Variants in SCEL observed in about 807,000 individuals in gnomAD.
SCEL encodes the protein sciellin.
A neutral mutation model predicts 117.6 loss-of-function variants in SCEL; 113 were observed. The observed-to-expected ratio is 0.96, with a 90% CI of 0.83 to 1.12. The LOEUF (loss-of-function observed/expected upper bound fraction) is 1.12. Ranked by LOEUF, SCEL falls within the 50% of genes most tolerant of loss-of-function variation. SCEL has a pLI of 0.00. For synonymous variants in SCEL, 270 were observed against 256.2 expected, an observed-to-expected ratio of 1.05 and a Z score of -0.51; for missense variants, 785 against 810.8, an observed-to-expected ratio of 0.97 and a Z score of 0.39.
intron 30 of SCEL, among the ~76,000 whole-genome samples, chr13:77,637,411 TAA>T (rs1192094788): frequency 1.2e-3 from 44 of 36,120 alleles, no homozygotes; most frequent in South Asian, 0.01. Context: ...CATATATAAA[TAA>T]ATATATATAT....
intron 28 of SCEL, among the ~76,000 whole-genome samples, chr13:77,634,107 T>A (rs1377387982): frequency 1.3e-5 from 2 of 152,204 alleles, no homozygotes; most frequent in Non-Finnish European, 1.5e-5. Context: ...TATTCAAAAA[T>A]AATCCTCATA....
intron 3 of SCEL, 145 bp downstream of exon 3, chr13:77,556,858 G>A: frequency 1.6e-6 from 1 of 637,120 alleles, no homozygotes; most frequent in Non-Finnish European, 2.8e-6. Context: ...GACTTAGTAA[G>A]CACAAATAGG....
chr13:77,537,760 A>G (rs2083482976), intron 1 of SCEL, among the ~76,000 whole-genome samples: 1 of 152,182 alleles, frequency 6.6e-6, no homozygotes, highest in African/African-American at 2.4e-5. Context: ...ATTCCTGGGG[A>G]CTATGTAAAC....
intron 9 of SCEL, among the ~76,000 whole-genome samples, chr13:77,586,051 C>T (rs1039720073): frequency 1.3e-5 from 2 of 152,158 alleles, no homozygotes; most frequent in African/African-American, 4.8e-5. Flanking sequence ...AAGCCATGCC[C>T]TTGTGAGCTT....
chr13:77,553,033 A>AAGAAC (rs2084432871), intron 1 of SCEL, among the ~76,000 whole-genome samples: 2 of 152,220 alleles, frequency 1.3e-5, no homozygotes, highest in South Asian at 4.1e-4. Context: ...ATGTGGTGTC[A>AAGAAC]AGAACAGAAC....
rs537463674 is a variant in SCEL at position 77,578,332 on chromosome 13, G to A, written c.545+6143G>A. 1.4e-3 allele frequency among the ~76,000 whole-genome samples: 213 copies of A among 152,172 alleles called. 1 individual carries two copies. The highest frequency in any genetic ancestry group is 4.8e-3 in the African/African-American group (201 of 41,528). ...CTGCAAAGAGACCACCACCAAGAAA[G>A]GGAGGAGGGGGAAGGAACTCCTGGG... On this transcript the variant is annotated intron_variant, in intron 9 of 32. Transcript: ENST00000349847.
chr13:77,583,230 A>G (rs2086366172), intron 9 of SCEL, among the ~76,000 whole-genome samples: 1 of 152,182 alleles, frequency 6.6e-6, no homozygotes, highest in Non-Finnish European at 1.5e-5. Context: ...CTCCTTTTAT[A>G]GACAAATAAG....
intron 28 of SCEL, among the ~76,000 whole-genome samples, chr13:77,629,654 G>T (rs1048547771): frequency 9.2e-5 from 14 of 152,064 alleles, no homozygotes; most frequent in African/African-American, 3.4e-4. Context: ...CTCCCAAAAG[G>T]CAGAGTAATT....
At position 77,637,175 on chromosome 13, in the gene SCEL, G is replaced by C. The variant is rs769780472; in HGVS notation, c.1819G>C (p.Val607Leu). ...ENISGKYIQT[V>L]YSTSDRSVIE... The stretch of plus-strand genomic sequence containing the variant: ...TATCTCTGGAAAATACATACAAACT[G>C]TTTATTCAACTTCTGATAGGTGAGT... Residue 607 changes from valine to leucine, a missense_variant, in exon 30 of 33, where the codon GTT becomes CTT. Physicochemically the swap from Val to Leu is conservative, Grantham distance 32. Transcript: ENST00000349847. The C allele has an allele frequency of 1.3e-6, 2 of 1,553,840 alleles. No homozygotes were observed. Among genetic ancestry groups the C allele is most frequent in the Admixed American group, 2.0e-5 (1 of 49,526 alleles).
intron 1 of SCEL, among the ~76,000 whole-genome samples, chr13:77,540,776 G>C (rs994922605): frequency 6.6e-6 from 1 of 152,156 alleles, no homozygotes; most frequent in African/African-American, 2.4e-5. Flanking sequence ...TTATCAGTTC[G>C]ATTTTATCCT....
intron 30 of SCEL, 77 bp from the exon 31 acceptor site, chr13:77,640,599 G>A: frequency 1.8e-6 from 1 of 566,632 alleles, no homozygotes; most frequent in Non-Finnish European, 3.0e-6. Context: ...ATATACCGTT[G>A]CCATGTGAGT....
At chr13:77,608,145 C>G in intron 20 of SCEL, 30 bp downstream of exon 20, 1 of 1,529,404 alleles carries the variant, frequency 6.5e-7, no homozygotes, top group Non-Finnish European at 9.0e-7. Context: ...TCTCTTCCTT[C>G]CCCTTCCCCA....
At chr13:77,551,817 T>G (rs1170205816) in intron 1 of SCEL, among the ~76,000 whole-genome samples, 1 of 151,402 alleles carries the variant, frequency 6.6e-6, no homozygotes. Flanking sequence ...TAGCTTTAGA[T>G]ATATCTCCTA....
intron 1 of SCEL, among the ~76,000 whole-genome samples, chr13:77,541,971 C>T (rs897203172): frequency 2.0e-5 from 3 of 152,044 alleles, no homozygotes; most frequent in Non-Finnish European, 4.4e-5. Context: ...TGAAAATAGC[C>T]CCTGATGGGG....
chr13:77,546,236 A>G (rs940801627), intron 1 of SCEL, among the ~76,000 whole-genome samples: 1 of 152,192 alleles, frequency 6.6e-6, no homozygotes, highest in African/African-American at 2.4e-5. Context: ...ATCATCAATC[A>G]TCTGGGACTC....
intron 4 of SCEL, among the ~76,000 whole-genome samples, chr13:77,561,734 C>G (rs965036866): frequency 1.3e-5 from 2 of 152,128 alleles, no homozygotes; most frequent in East Asian, 1.9e-4. Context: ...TGTGAGTGCA[C>G]TATGGGAATA....
intron 29 of SCEL, among the ~76,000 whole-genome samples, chr13:77,634,663 A>C (rs543247803): frequency 1.3e-5 from 2 of 152,316 alleles, no homozygotes; most frequent in East Asian, 3.9e-4. Flanking sequence ...TGAACTCAGT[A>C]ATATTTTAGT....
chr13:77,612,045 T>C (rs2154403135), intron 22 of SCEL, among the ~76,000 whole-genome samples: 1 of 152,282 alleles, frequency 6.6e-6, no homozygotes, highest in South Asian at 2.1e-4. Context: ...TTCAATGTAA[T>C]AGAATATAGT....
chr13:77,623,353 T>G (rs904736839), intron 27 of SCEL: 3 of 152,132 alleles, frequency 2.0e-5, no homozygotes, highest in African/African-American at 7.2e-5. Flanking sequence ...TTAGTGTAGA[T>G]TATTCAGATT....
Sources: gnomAD v4.1 joint callset for allele counts (sites outside exome capture counted in the v4.1 genomes callset) on GRCh38, gnomAD v4.1.1 for gene constraint, MANE v1.5 for transcripts, NCBI Gene and HGNC (gene_info 2026-07-23, HGNC 2026-07-21) for gene names.